Variants in ATXN1 observed in about 807,000 individuals in gnomAD.
The protein encoded by ATXN1 is ataxin 1, also known as ataxin-1.
A neutral mutation model predicts 56.4 loss-of-function variants in ATXN1; 8 were observed. The observed-to-expected ratio is 0.14, with a 90% CI of 0.08 to 0.26. The LOEUF (loss-of-function observed/expected upper bound fraction) is 0.26. ATXN1 is among the 10% of genes least tolerant of loss of function. ATXN1 has a pLI of 1.00. For synonymous variants in ATXN1, 514 were observed against 494.6 expected (o/e 1.04, Z -0.52); for missense variants, 987 against 1,106.5 (o/e 0.89, Z 1.53).
intron 4 of ATXN1, among the ~76,000 whole-genome samples, chr6:16,562,302 G>A (rs1188673844): frequency 1.3e-5 from 2 of 151,006 alleles, no homozygotes; most frequent in South Asian, 2.1e-4. Flanking sequence ...GAGCCCGGGA[G>A]GCAGAGGTTG....
At chr6:16,639,427 C>T (rs1237474702) in intron 3 of ATXN1, among the ~76,000 whole-genome samples, 1 of 152,190 alleles carries the variant, frequency 6.6e-6, no homozygotes, top group African/African-American at 2.4e-5. Context: ...GATTCTCCTG[C>T]CTCAGCCGCC....
Position 16,385,974 on chromosome 6 carries a change from T to A in ATXN1, c.-160-57504A>T, listed in dbSNP as rs568883899. ...TAATCATTCCTATCTTACTCTGGGTTAGGGTCTCTGTCCTCTCCTTCACCC... is the reference window on the plus strand; with the variant it reads ...TAATCATTCCTATCTTACTCTGGGTAAGGGTCTCTGTCCTCTCCTTCACCC... On this transcript the variant is annotated intron_variant, in intron 6 of 7. Coordinates refer to ENST00000436367, the MANE Select transcript of ATXN1 (RefSeq NM_001128164.2). 6.0e-4 allele frequency among the ~76,000 whole-genome samples: 92 copies of A among 152,342 alleles called. No homozygotes were observed. In the South Asian group the frequency reaches 0.019, roughly 31 times the overall value.
At chr6:16,413,261 G>A (rs1278864826) in intron 6 of ATXN1, among the ~76,000 whole-genome samples, 2 of 151,900 alleles carry the variant, frequency 1.3e-5, no homozygotes, top group African/African-American at 4.8e-5. Context: ...TATGGATGCA[G>A]AATTCAAACC....
rs983664567 is a variant in ATXN1 at position 16,576,158 on chromosome 6, C to T, written c.-361+9622G>A. On this transcript the variant is annotated intron_variant, in intron 4 of 7. Transcript: ENST00000436367. ...ATCCAGTCTTCAAATCCAATTTCAT[C>T]GTTTTTATTCCTTCACAGGGAATAA... Among the ~76,000 whole-genome samples the T allele has an allele frequency of 3.3e-5, 5 of 151,758 alleles. 1 individual carries two copies. The highest frequency in any genetic ancestry group is 4.4e-5 in the Non-Finnish European group (3 of 67,958).
chr6:16,411,340 T>C (rs1758795852), intron 6 of ATXN1, among the ~76,000 whole-genome samples: 1 of 152,148 alleles, frequency 6.6e-6, no homozygotes, highest in Non-Finnish European at 1.5e-5. Context: ...CTACCTCATA[T>C]GACTTTAATA....
At chr6:16,470,589 A>C (rs1269834087) in intron 6 of ATXN1, among the ~76,000 whole-genome samples, 1 of 152,192 alleles carries the variant, frequency 6.6e-6, no homozygotes, top group Non-Finnish European at 1.5e-5. Context: ...TTTTATATGG[A>C]AAGTTATTGG....
chr6:16,556,043 A>G (rs1256076610), intron 4 of ATXN1, among the ~76,000 whole-genome samples: 1 of 152,236 alleles, frequency 6.6e-6, no homozygotes, highest in Admixed American at 6.5e-5. Context: ...ACATGTTTCA[A>G]TAGGCATTCT....
At chr6:16,519,206 C>T (rs1205443787) in intron 5 of ATXN1, among the ~76,000 whole-genome samples, 2 of 151,962 alleles carry the variant, frequency 1.3e-5, no homozygotes, top group Non-Finnish European at 2.9e-5. Context: ...TTAGCCTCGA[C>T]CTAGAAAACA....
chr6:16,311,108 C>A (rs1363414289), intron 7 of ATXN1, among the ~76,000 whole-genome samples: 1 of 152,166 alleles, frequency 6.6e-6, no homozygotes, highest in Non-Finnish European at 1.5e-5. Flanking sequence ...GTGAAGCAAG[C>A]TAAAAGTTTT....
intron 2 of ATXN1, among the ~76,000 whole-genome samples, chr6:16,732,954 C>T (rs1760024609): frequency 6.6e-6 from 1 of 152,198 alleles, no homozygotes; most frequent in Non-Finnish European, 1.5e-5. Context: ...TGAAAAACTT[C>T]CATGGATGAG....
intron 2 of ATXN1, among the ~76,000 whole-genome samples, chr6:16,688,722 T>C (rs1346361206): frequency 6.6e-6 from 1 of 152,186 alleles, no homozygotes; most frequent in East Asian, 1.9e-4. Context: ...CAATCTGCTT[T>C]TACCCGGCTC....
intron 6 of ATXN1, among the ~76,000 whole-genome samples, chr6:16,333,217 A>G (rs977520604): frequency 6.6e-6 from 1 of 152,166 alleles, no homozygotes; most frequent in Non-Finnish European, 1.5e-5. Flanking sequence ...TCTTTACACA[A>G]CTGCAGAGAA....
At chr6:16,426,547 A>G (rs1759158426) in intron 6 of ATXN1, among the ~76,000 whole-genome samples, 1 of 151,978 alleles carries the variant, frequency 6.6e-6, no homozygotes, top group Non-Finnish European at 1.5e-5. Context: ...CATGTATGTA[A>G]GCAGAGCCAC....
intron 6 of ATXN1, among the ~76,000 whole-genome samples, chr6:16,355,871 C>T (rs1322887335): frequency 6.6e-6 from 1 of 152,158 alleles, no homozygotes; most frequent in Non-Finnish European, 1.5e-5. Context: ...GCCCCTCACC[C>T]ACCCTTTTGA....
chr6:16,598,060 G>A (rs1430607750), intron 3 of ATXN1, among the ~76,000 whole-genome samples: 1 of 152,114 alleles, frequency 6.6e-6, no homozygotes, highest in Non-Finnish European at 1.5e-5. Flanking sequence ...TAGCTTGATT[G>A]AATCTTGTTA....
chr6:16,696,226 T>C (rs569824072), intron 2 of ATXN1, among the ~76,000 whole-genome samples: 17 of 152,278 alleles, frequency 1.1e-4, no homozygotes, highest in Non-Finnish European at 1.6e-4. Flanking sequence ...AGATTGATTA[T>C]CTGGTTTCTC....
chr6:16,306,228 A>G lies in ATXN1; in HGVS notation c.*101T>C. ...AAGGTTAGAACAGAAACCTAAAATT[A>G]AGAAGATAACATGTAAATACTGTGT... is the stretch of plus-strand genomic sequence containing the variant. On this transcript the variant is annotated 3_prime_UTR_variant, in exon 8 of 8. Coordinates refer to ENST00000436367, the MANE Select transcript of ATXN1 (RefSeq NM_001128164.2). The surrounding 1 kb of genome is among the most constrained non-coding windows in gnomAD (Gnocchi z 5.2). 7.2e-7 allele frequency: 1 copy of G among 1,389,018 alleles called. No homozygotes were observed. Among genetic ancestry groups the G allele is most frequent in the Non-Finnish European group, 9.7e-7 (1 of 1,032,020 alleles). The allele number at this position is 1,389,018 out of a possible 1,614,324, so 86.0% of individuals were successfully genotyped here.
At chr6:16,758,501 T>C (rs1316771906) in intron 1 of ATXN1, among the ~76,000 whole-genome samples, 3 of 152,216 alleles carry the variant, frequency 2.0e-5, no homozygotes, top group Admixed American at 1.3e-4. Context: ...TTTATAAAAG[T>C]TGAGTAGCTA....
At position 16,303,425 on chromosome 6, in the gene ATXN1, G is replaced by C. The variant is rs1760162296; in HGVS notation, c.*2904C>G. The C allele has an allele frequency of 6.6e-6, 1 of 152,668 alleles. No individual in the cohort carries two copies. Among genetic ancestry groups the C allele is most frequent in the Non-Finnish European group, 1.5e-5 (1 of 68,228 alleles). 9.5% of individuals were successfully genotyped at this position (152,668 alleles called of 1,614,324 possible). A position where few individuals can be genotyped will look rare whatever the true frequency, so the allele number is the denominator to read the frequency against. On this transcript the variant is annotated 3_prime_UTR_variant, in exon 8 of 8. Coordinates refer to ENST00000436367, the MANE Select transcript of ATXN1 (RefSeq NM_001128164.2). This position sits in a 1 kb window ranked among gnomAD's most constrained non-coding sequence, Gnocchi z 4.3. ...AAAGGTGGGAGGCTCTCTCCCTCCT[G>C]GCTCCTTCCCTCCAGCCCTGCTCTG...
Sources: gnomAD v4.1 joint callset for allele counts (sites outside exome capture counted in the v4.1 genomes callset) on GRCh38, gnomAD v4.1.1 for gene constraint, Gnocchi (gnomAD v3.1) non-coding constraint, MANE v1.5 for transcripts, NCBI Gene and HGNC (gene_info 2026-07-23, HGNC 2026-07-21) for gene names.